Variants in PTBP2 observed in about 807,000 individuals in gnomAD.
PTBP2 encodes the protein polypyrimidine tract binding protein 2.
In PTBP2, 13 loss-of-function variants were observed where a neutral mutation model predicts 61.4. That is an observed-to-expected ratio of 0.21 (90% CI 0.14 to 0.34). The LOEUF is 0.34. PTBP2 is among the 10% of genes least tolerant of loss of function. The pLI is 1.00. For synonymous variants in PTBP2, 215 were observed against 218.5 expected (o/e 0.98, Z 0.14); for missense variants, 405 against 642.6 (o/e 0.63, Z 4.00).
intron 5 of PTBP2, 92 bp downstream of exon 5, chr1:96,770,943 T>A: frequency 3.6e-6 from 4 of 1,124,674 alleles, no homozygotes; most frequent in Non-Finnish European, 5.2e-6. Context: ...CCTGTTCAGA[T>A]GTTCCTTATA....
chr1:96,808,986 A>G (rs1661772673), intron 11 of PTBP2, among the ~76,000 whole-genome samples: 1 of 152,208 alleles, frequency 6.6e-6, no homozygotes, highest in Non-Finnish European at 1.5e-5. Context: ...GTAAAGAGAT[A>G]CTAATATACT....
intron 7 of PTBP2, among the ~76,000 whole-genome samples, chr1:96,782,466 C>T (rs1342605787): frequency 6.6e-6 from 1 of 151,970 alleles, no homozygotes; most frequent in East Asian, 1.9e-4. Flanking sequence ...TTGACATCTG[C>T]TTAATTTACA....
At chr1:96,819,634 A>C (rs373339593), downstream of PTBP2, 1 of 149,834 alleles carries the variant, frequency 6.7e-6, no homozygotes, top group Non-Finnish European at 1.5e-5. Flanking sequence ...TTCAGGTGTT[A>C]TGCTATTTTT....
At chr1:96,791,469 G>A (rs992957148) in intron 8 of PTBP2, among the ~76,000 whole-genome samples, 3 of 152,156 alleles carry the variant, frequency 2.0e-5, no homozygotes, top group African/African-American at 7.2e-5. Context: ...TCTTGAACCA[G>A]AGCTTAGAAA....
At chr1:96,767,417 A>C (rs748241370) in intron 3 of PTBP2, among the ~76,000 whole-genome samples, 9 of 152,092 alleles carry the variant, frequency 5.9e-5, no homozygotes, top group Non-Finnish European at 1.0e-4. Context: ...AAAAGGACAG[A>C]CCAAATTAGG....
At chr1:96,772,260 T>A (rs770673710) in intron 5 of PTBP2, among the ~76,000 whole-genome samples, 2 of 152,204 alleles carry the variant, frequency 1.3e-5, no homozygotes, top group Non-Finnish European at 2.9e-5. Flanking sequence ...TACTAGTTTA[T>A]TATATAGGAT....
At chr1:96,784,849 G>C (rs1219253361) in intron 7 of PTBP2, 1 of 452,200 alleles carries the variant, frequency 2.2e-6, no homozygotes, top group Non-Finnish European at 3.8e-6. Context: ...TTAGGTTGAA[G>C]TAGCATTTTC....
intron 11 of PTBP2, 21 bp from the exon 12 acceptor site, chr1:96,812,691 A>G (rs1160687392): frequency 2.0e-6 from 3 of 1,497,424 alleles, no homozygotes; most frequent in Non-Finnish European, 2.8e-6. Flanking sequence ...GTTTGTTAAT[A>G]GACATGCTTT....
At chr1:96,763,313 C>T (rs1051032673) in intron 3 of PTBP2, among the ~76,000 whole-genome samples, 8 of 152,236 alleles carry the variant, frequency 5.3e-5, no homozygotes, top group South Asian at 2.1e-4. Flanking sequence ...AACCAGACTC[C>T]GTCTGCAATT....
rs763519758 is a variant in PTBP2 at position 96,785,199 on chromosome 1, A to G, written c.849A>G (p.Gln283=). ...CTGATCTTCCATCTGGGGATGGACA[A>G]CCTGCATTGGACCCAGCTATTGCTG... ...TRPDLPSGDG[Q]PALDPAIAAA... is the part of the protein sequence containing the mutation. Residue 283 remains glutamine, a synonymous_variant, in exon 8 of 14, where the codon CAA becomes CAG. Transcript: ENST00000674951. The G allele has an allele frequency of 1.3e-5, 21 of 1,610,402 alleles. No homozygotes were observed. Among genetic ancestry groups the G allele is most frequent in the African/African-American group, 2.7e-5 (2 of 74,600 alleles).
At chr1:96,796,485 C>T (rs3748783) in intron 8 of PTBP2, among the ~76,000 whole-genome samples, 33,930 of 151,854 alleles carry the variant, frequency 0.22, 4,226 homozygotes, top group African/African-American at 0.34. Flanking sequence ...TTATAAGGCA[C>T]TTGTTTAACA....
intron 3 of PTBP2, among the ~76,000 whole-genome samples, chr1:96,765,541 T>C (rs537174312): frequency 1.2e-3 from 179 of 152,208 alleles, no homozygotes; most frequent in African/African-American, 4.1e-3. Flanking sequence ...TGAAACCCCA[T>C]CTCTACTGAA....
chr1:96,816,055 A>G (rs1475749523), downstream of PTBP2: 1 of 152,126 alleles, frequency 6.6e-6, no homozygotes, highest in African/African-American at 2.4e-5. Context: ...AGGAGAAACT[A>G]AGTCCTGAGC....
chr1:96,753,277 A>G (rs1312504460), intron 3 of PTBP2, among the ~76,000 whole-genome samples: 1 of 152,112 alleles, frequency 6.6e-6, no homozygotes, highest in African/African-American at 2.4e-5. Context: ...ATGCAGACAT[A>G]TTGCAGGGTA....
intron 2 of PTBP2, among the ~76,000 whole-genome samples, chr1:96,724,636 G>A (rs1650121670): frequency 7.2e-6 from 1 of 138,024 alleles, no homozygotes; most frequent in African/African-American, 2.7e-5. Context: ...GATGCTGACT[G>A]TTCAAACATT....
chr1:96,755,805 G>A (rs530437962), intron 3 of PTBP2, among the ~76,000 whole-genome samples: 30 of 152,266 alleles, frequency 2.0e-4, no homozygotes, highest in African/African-American at 7.2e-4. Context: ...GCAAATTCAT[G>A]GTTCTTAGGA....
intron 2 of PTBP2, among the ~76,000 whole-genome samples, chr1:96,726,520 C>T (rs548399024): frequency 1.3e-5 from 2 of 151,984 alleles, no homozygotes; most frequent in Non-Finnish European, 2.9e-5. Context: ...TCACTGCAAC[C>T]TCTGCCTCCT....
chr1:96,817,820 G>GT (rs1200589578), downstream of PTBP2: 1 of 151,940 alleles, frequency 6.6e-6, no homozygotes, highest in Non-Finnish European at 1.5e-5. Flanking sequence ...TAAATTTCTT[G>GT]TTTTGCCTAG....
At chr1:96,761,729 T>C (rs987973053) in intron 3 of PTBP2, among the ~76,000 whole-genome samples, 3 of 150,692 alleles carry the variant, frequency 2.0e-5, no homozygotes, top group African/African-American at 7.5e-5. Context: ...GTTCTGTTTT[T>C]TTTTGTTTGT....
Sources: allele counts gnomAD v4.1 joint callset (sites outside exome capture counted in the v4.1 genomes callset), GRCh38; gene constraint gnomAD v4.1.1; transcripts MANE v1.5; gene names NCBI Gene and HGNC (gene_info 2026-07-23, HGNC 2026-07-21).